The following SCD5 variants were observed in gnomAD, a reference collection of about 807,000 sequenced individuals.
SCD5 encodes the protein acyl-CoA-desaturase 4.
SCD5 carries 20 observed loss-of-function variants against 30.4 expected under a neutral mutation model. The observed-to-expected ratio is 0.66, with a 90% confidence interval of 0.46 to 0.96. SCD5 has a LOEUF of 0.96. Ranked by LOEUF, SCD5 falls within the 40% of genes least tolerant of loss-of-function variation. SCD5 has a pLI of 0.00. For synonymous variants in SCD5, 173 were observed against 176.4 expected, an observed-to-expected ratio of 0.98 and a Z score of 0.16; for missense variants, 381 against 443.3, an observed-to-expected ratio of 0.86 and a Z score of 1.26.
chr4:82,683,497 T>A (rs1319619454), intron 2 of SCD5, among the ~76,000 whole-genome samples: 4 of 152,218 alleles, frequency 2.6e-5, no homozygotes, highest in Non-Finnish European at 5.9e-5. Flanking sequence ...TAAGATGGCA[T>A]TTCCTTGGTT....
Position 82,798,721 on chromosome 4 carries a change from G to A in SCD5, c.-184C>T, listed in dbSNP as rs1722289574. 1.7e-6 allele frequency: 1 copy of A among 576,602 alleles called. No homozygotes were observed. Among genetic ancestry groups the A allele is most frequent in the South Asian group, 2.4e-5 (1 of 42,228 alleles). 35.7% of individuals were successfully genotyped at this position (576,602 alleles called of 1,614,324 possible). On this transcript the variant is annotated 5_prime_UTR_variant, in exon 1 of 5. Coordinates refer to ENST00000319540, the MANE Select transcript of SCD5 (RefSeq NM_001037582.3). ...CCCCAGGGTCTTAGCGTGGCCTAGG[G>A]ATGCAGATCTTGGCGGCCGGCGTCT... is the stretch of plus-strand genomic sequence containing the variant.
chr4:82,708,863 T>C (rs959984485), intron 1 of SCD5, among the ~76,000 whole-genome samples: 1 of 152,238 alleles, frequency 6.6e-6, no homozygotes, highest in African/African-American at 2.4e-5. Flanking sequence ...CCGAGCTCTC[T>C]AACCCTCGCT....
At chr4:82,712,283 TATATATATATATA>T (rs1560540822) in intron 1 of SCD5, among the ~76,000 whole-genome samples, 4 of 48,348 alleles carry the variant, frequency 8.3e-5, no homozygotes, top group Non-Finnish European at 1.1e-4. Flanking sequence ...TATATATATA[TATATATATATATA>T]TTTTATTTTT....
chr4:82,723,006 G>GGC (rs1324358581), intron 1 of SCD5, among the ~76,000 whole-genome samples: 1 of 151,212 alleles, frequency 6.6e-6, no homozygotes, highest in African/African-American at 2.4e-5. Flanking sequence ...GAACCTGGGA[G>GGC]GCAGAGGTTG....
At chr4:82,718,168 C>T (rs1363511256) in intron 1 of SCD5, among the ~76,000 whole-genome samples, 1 of 151,192 alleles carries the variant, frequency 6.6e-6, no homozygotes, top group Non-Finnish European at 1.5e-5. Context: ...GAAGAGCTGG[C>T]AGGCACCTTT....
intron 1 of SCD5, chr4:82,753,403 T>C (rs749528092): frequency 1.9e-6 from 1 of 532,622 alleles, no homozygotes; most frequent in Non-Finnish European, 3.9e-6. Flanking sequence ...CCCAAGGTCA[T>C]GACATAAGCC....
chr4:82,685,369 T>A (rs1057033689), intron 2 of SCD5, among the ~76,000 whole-genome samples: 3 of 151,900 alleles, frequency 2.0e-5, no homozygotes, highest in African/African-American at 7.3e-5. Context: ...ATCTAAAAAG[T>A]GAAATGACCC....
chr4:82,706,677 G>A (rs1009392299), intron 1 of SCD5, among the ~76,000 whole-genome samples: 6 of 152,234 alleles, frequency 3.9e-5, no homozygotes, highest in African/African-American at 1.4e-4. Flanking sequence ...TTACCAAGCT[G>A]AGAAAACCTG....
intron 3 of SCD5, among the ~76,000 whole-genome samples, chr4:82,664,510 G>A (rs777452664): frequency 9.2e-5 from 14 of 152,066 alleles, no homozygotes; most frequent in African/African-American, 2.4e-4. Flanking sequence ...GAAATGGCCT[G>A]GATATTACAA....
intron 1 of SCD5, among the ~76,000 whole-genome samples, chr4:82,729,101 C>A (rs1271118038): frequency 1.3e-5 from 2 of 152,178 alleles, no homozygotes; most frequent in African/African-American, 4.8e-5. Flanking sequence ...ATCCACCTCA[C>A]AAGTTGAAGA....
intron 3 of SCD5, among the ~76,000 whole-genome samples, chr4:82,674,335 T>G (rs1728390285): frequency 1.3e-5 from 2 of 152,084 alleles, no homozygotes; most frequent in Admixed American, 6.6e-5. Context: ...GGACCAAAGA[T>G]CTTGACAAAC....
chr4:82,718,748 A>T (rs1338205507), intron 1 of SCD5, among the ~76,000 whole-genome samples: 1 of 151,836 alleles, frequency 6.6e-6, no homozygotes, highest in East Asian at 1.9e-4. Context: ...TCCAGTTTCA[A>T]GAGGTTTCTT....
chr4:82,703,386 T>C (rs1719899056), intron 2 of SCD5, among the ~76,000 whole-genome samples: 1 of 152,228 alleles, frequency 6.6e-6, no homozygotes, highest in African/African-American at 2.4e-5. Context: ...GGGAGAACAA[T>C]ATTCACCGAT....
At chr4:82,797,863 C>A (rs1193937841) in intron 1 of SCD5, among the ~76,000 whole-genome samples, 1 of 152,122 alleles carries the variant, frequency 6.6e-6, no homozygotes, top group Non-Finnish European at 1.5e-5. Context: ...GGTCCGTGAC[C>A]CGCGGAGGTG....
intron 3 of SCD5, among the ~76,000 whole-genome samples, chr4:82,644,184 C>T (rs1345667839): frequency 1.3e-5 from 2 of 152,156 alleles, no homozygotes; most frequent in Non-Finnish European, 2.9e-5. Context: ...TCATGCCCCT[C>T]CCCTAATGAC....
intron 3 of SCD5, chr4:82,660,930 G>A (rs17006063): frequency 0.035 from 56,372 of 1,614,024 alleles, 1,431 homozygotes; most frequent in African/African-American, 0.12. Flanking sequence ...AGCACTTTTC[G>A]GAGTGGTTAC....
chr4:82,774,878 A>G (rs1436997577), intron 1 of SCD5, among the ~76,000 whole-genome samples: 1 of 152,228 alleles, frequency 6.6e-6, no homozygotes, highest in African/African-American at 2.4e-5. Context: ...GCAAAGCTTT[A>G]GAGGCACCAA....
chr4:82,660,200 T>TA (rs1268689785), intron 3 of SCD5: 2 of 152,802 alleles, frequency 1.3e-5, no homozygotes, highest in African/African-American at 4.8e-5. Flanking sequence ...CAAGGAGACT[T>TA]AGACTCCCAT....
At chr4:82,769,431 A>G (rs1721568946) in intron 1 of SCD5, among the ~76,000 whole-genome samples, 1 of 152,208 alleles carries the variant, frequency 6.6e-6, no homozygotes, top group Non-Finnish European at 1.5e-5. Context: ...ATAATGTTTC[A>G]CCAATTTACA....
Sources: allele counts gnomAD v4.1 joint callset (sites outside exome capture counted in the v4.1 genomes callset), GRCh38; gene constraint gnomAD v4.1.1; transcripts MANE v1.5; gene names NCBI Gene and HGNC (gene_info 2026-07-23, HGNC 2026-07-21).